The following ZP1 variants were observed in gnomAD, a reference collection of about 807,000 sequenced individuals.
ZP1 encodes the protein zona pellucida sperm-binding protein 1.
ZP1 carries 58 observed loss-of-function variants against 67.4 expected under a neutral mutation model. The ratio of observed to expected loss-of-function variants is 0.86; its 90% CI spans 0.70 to 1.07. The LOEUF (loss-of-function observed/expected upper bound fraction) is 1.07, where lower values mean the gene tolerates loss of function less well. Ranked by LOEUF, ZP1 falls within the 50% of genes least tolerant of loss-of-function variation. The pLI, the probability that ZP1 is intolerant of heterozygous loss-of-function variation, is 0.00. For synonymous variants in ZP1, 333 were observed against 332.7 expected (o/e 1.00, Z -0.01); for missense variants, 759 against 807.3 (o/e 0.94, Z 0.72).
At chr11:60,870,168 C>G (rs1310178923) in intron 3 of ZP1, among the ~76,000 whole-genome samples, 164 bp from the exon 4 acceptor site, 1 of 152,222 alleles carries the variant, frequency 6.6e-6, no homozygotes, top group Non-Finnish European at 1.5e-5. Context: ...ACCTGATTCT[C>G]AGAAAATATT....
In ZP1 at chr11:60,867,620, C is replaced by A. The variant is rs969996035; in HGVS notation, c.59C>A (p.Ala20Asp). ...CCTGTGGCCCTGCTACTGCTGGTTG[C>A]CACCCTGGGGCTGGGTAGGTGGCTC... ...GYPVALLLLV[A>D]TLGLGRWLQP... The change falls in exon 1 of 12, where the codon GCC (alanine) becomes GAC (aspartate). Residue 20 changes from alanine (A) to aspartate (D), a missense_variant. By Grantham distance (126) the Ala-to-Asp change is moderately radical. Transcript: ENST00000278853. 13 of 1,613,598 alleles carry A rather than the reference C, an allele frequency of 8.1e-6. No homozygotes were observed. The highest frequency in any genetic ancestry group is 1.1e-5 in the Non-Finnish European group (13 of 1,179,710).
Position 60,873,769 on chromosome 11 carries a change from A to T in ZP1, c.1566A>T (p.Arg522Ser), listed in dbSNP as rs1365294827. The change falls in exon 9 of 12, where the codon AGA becomes AGT. Residue 522 changes from arginine (R) to serine (S), a missense_variant. Physicochemically the swap from Arg to Ser is moderately radical, Grantham distance 110. Coordinates refer to ENST00000278853, the MANE Select transcript of ZP1 (RefSeq NM_207341.4). The part of the protein sequence containing the change: ...LLDSGSQRAL[R>S]GLVYLFCSTS... The stretch of plus-strand genomic sequence containing the variant: ...ACTCAGGCTCCCAGAGAGCCCTCAG[A>T]GGACTGGTAAGAAGCCCCGGCTGCC... 6.2e-7 allele frequency: 1 copy of T among 1,613,788 alleles called. No homozygotes were observed. Among genetic ancestry groups the T allele is most frequent in the Non-Finnish European group, 8.5e-7 (1 of 1,180,026 alleles).
rs754454384 is a variant in ZP1 at position 60,874,897 on chromosome 11, G to A, written c.1573-36G>A. Reference sequence around the variant, plus strand: ...TTTGTGCTTCCTGCCCGGTGGCACTGAGCCAGCCACTTTGATGTTCTTCTC... The same window carrying A: ...TTTGTGCTTCCTGCCCGGTGGCACTAAGCCAGCCACTTTGATGTTCTTCTC... On this transcript the variant is annotated intron_variant, in intron 9 of 11. Coordinates refer to ENST00000278853, the MANE Select transcript of ZP1 (RefSeq NM_207341.4). The A allele has an allele frequency of 8.7e-6, 14 of 1,609,280 alleles. No homozygotes were observed. The Admixed American group carries it at 2.2e-4, about 25-fold the overall frequency.
At chr11:60,872,383 C>T (rs2134833036) in intron 6 of ZP1, among the ~76,000 whole-genome samples, 2 of 152,244 alleles carry the variant, frequency 1.3e-5, no homozygotes, top group African/African-American at 2.4e-5. Flanking sequence ...GCCAGCAGGA[C>T]TAGGCCAGAG....
chr11:60,875,601 T>C lies in ZP1; in HGVS notation c.1862T>C (p.Phe621Ser). The change falls in exon 12 of 12, where the codon TTT becomes TCT. Residue 621 changes from phenylalanine to serine, a missense_variant. Coordinates refer to ENST00000278853, the MANE Select transcript of ZP1 (RefSeq NM_207341.4). ...AVALVLGFGV[F>S]VGLSQTWAQK... ...GCCCTGGTCCTTGGGTTTGGTGTCTTTGTGGGCCTGAGCCAGACCTGGGCC... is the reference window on the plus strand; with the variant it reads ...GCCCTGGTCCTTGGGTTTGGTGTCTCTGTGGGCCTGAGCCAGACCTGGGCC... The C allele has an allele frequency of 6.2e-7, 1 of 1,614,160 alleles. No homozygotes were observed. The highest frequency in any genetic ancestry group is 8.5e-7 in the Non-Finnish European group (1 of 1,180,000).
chr11:60,869,560 G>T lies in ZP1; in HGVS notation c.342G>T (p.Val114=), dbSNP rs138287127. The T allele has an allele frequency of 4.7e-5, 75 of 1,610,198 alleles. No homozygotes were observed. In the African/African-American group the frequency reaches 9.9e-4, roughly 21 times the overall value. ...AGGATGGGCGTTTCCACCTGAGGGT[G>T]TTCATGGAGGCTGTGCTGCCCAATG... is the stretch of plus-strand genomic sequence containing the variant. ...LEKDGRFHLR[V]FMEAVLPNGR... is the part of the protein sequence containing the mutation. Residue 114 remains valine, a synonymous_variant, in exon 3 of 12, where the codon GTG becomes GTT. Transcript: ENST00000278853.
In ZP1 at chr11:60,873,053, G is replaced by T. The variant is rs556245867; in HGVS notation, c.1113-109G>T. 114 of 1,290,264 alleles carry T rather than the reference G, an allele frequency of 8.8e-5. 1 individual carries two copies. In the African/African-American group the frequency reaches 1.3e-3, roughly 15 times the overall value. The allele number at this position is 1,290,264 out of a possible 1,614,324, so 79.9% of individuals were successfully genotyped here. On this transcript the variant is annotated intron_variant, in intron 6 of 11. Transcript: ENST00000278853. Reference sequence around the variant, plus strand: ...TTAAGTAGCATCCATCTGCCCTGCTGGACAGTACCCTATTTGTTGCACCCA... The same window carrying T: ...TTAAGTAGCATCCATCTGCCCTGCTTGACAGTACCCTATTTGTTGCACCCA...
rs1463268052 is a variant in ZP1 at position 60,875,233 on chromosome 11, A to G, written c.1759A>G (p.Thr587Ala). Residue 587 changes from threonine (T) to alanine (A), a missense_variant, in exon 11 of 12, where the codon ACA becomes GCA. Transcript: ENST00000278853. ...TGAGGATTCTTATGGGCAGGAGCCC[A>G]CACTTGGGCCCACAGGTAGGAGGGC... ...GFEDSYGQEPTLGPTDSNGNS... is the reference protein window; with the variant it reads ...GFEDSYGQEPALGPTDSNGNS... 6.2e-7 allele frequency: 1 copy of G among 1,612,484 alleles called. No homozygotes were observed. Among genetic ancestry groups the G allele is most frequent in the Non-Finnish European group, 8.5e-7 (1 of 1,179,966 alleles).
At position 60,871,373 on chromosome 11, in the gene ZP1, C is replaced by A. The variant is rs948942236; in HGVS notation, c.1112+59C>A. 7 of 1,569,642 alleles carry A rather than the reference C, an allele frequency of 4.5e-6. No individual in the cohort carries two copies. In the Admixed American group the frequency reaches 5.1e-5, roughly 11 times the overall value. ...TGTGCTAGGGTGTCAGGGGCACAGG[C>A]GAGCTCAGTACAGGCTTCGGAGCCA... On this transcript the variant is annotated intron_variant, in intron 6 of 11. Transcript: ENST00000278853.
rs1441461575 is a variant in ZP1, at chr11:60,871,346, T to A, written c.1112+32T>A. 3 of 1,609,154 alleles carry A rather than the reference T, an allele frequency of 1.9e-6. No individual in the cohort carries two copies. The African/African-American group carries it at 4.0e-5, about 21-fold the overall frequency. ...GCAGCCCTCCTCCTACAGGCGTGGCTGTGTGCTAGGGTGTCAGGGGCACAG... is the reference window on the plus strand; with the variant it reads ...GCAGCCCTCCTCCTACAGGCGTGGCAGTGTGCTAGGGTGTCAGGGGCACAG... On this transcript the variant is annotated intron_variant, in intron 6 of 11. Transcript: ENST00000278853.
Position 60,875,196 on chromosome 11 carries a change from G to A in ZP1, c.1722G>A (p.Gly574=), listed in dbSNP as rs1321347540. The stretch of plus-strand genomic sequence containing the variant: ...CCCAGGACATCGTGAGCTCTCCGGG[G>A]CCAGTGGGCTTTGAGGATTCTTATG... ...ARPQDIVSSP[G]PVGFEDSYGQ... Residue 574 remains glycine (G), a synonymous_variant, in exon 11 of 12, where the codon GGG becomes GGA. Transcript: ENST00000278853. 1.2e-6 allele frequency: 2 copies of A among 1,613,752 alleles called. No homozygotes were observed. Among genetic ancestry groups the A allele is most frequent in the South Asian group, 1.1e-5 (1 of 91,086 alleles).
rs117617296 is a variant in ZP1, at chr11:60,872,918, C to G, written c.1113-244C>G. Among the ~76,000 whole-genome samples the G allele has an allele frequency of 2.0e-5, 3 of 152,172 alleles. No individual in the cohort carries two copies. The East Asian group carries it at 5.8e-4, about 29-fold the overall frequency. On this transcript the variant is annotated intron_variant, in intron 6 of 11. Transcript: ENST00000278853. ...TCTCTATCCTGCTGTATTCTCCCACCAGGTGCAGGGCCTGGCATAACAGGC... is the reference window on the plus strand; with the variant it reads ...TCTCTATCCTGCTGTATTCTCCCACGAGGTGCAGGGCCTGGCATAACAGGC...
intron 6 of ZP1, among the ~76,000 whole-genome samples, chr11:60,872,919 A>G (rs1022014028): frequency 6.6e-6 from 1 of 152,092 alleles, no homozygotes; most frequent in Non-Finnish European, 1.5e-5. Context: ...TTCTCCCACC[A>G]GGTGCAGGGC....
chr11:60,871,164 G>C lies in ZP1; in HGVS notation c.1014+20G>C. 1 of 1,613,962 alleles carries C rather than the reference G, an allele frequency of 6.2e-7. No homozygotes were observed. The highest frequency in any genetic ancestry group is 8.5e-7 in the Non-Finnish European group (1 of 1,179,938). ...ATGCAGGTAGGAGCCGGGACCACAG[G>C]CTGGGGCCTGGTCCCCCACCAGAAA... On this transcript the variant is annotated intron_variant, in intron 5 of 11. Transcript: ENST00000278853.
chr11:60,873,164 T>C lies in ZP1; in HGVS notation c.1115T>C (p.Leu372Pro). Residue 372 changes from leucine to proline, a missense_variant and splice_region_variant, in exon 7 of 12, where the codon CTT becomes CCT. Coordinates refer to ENST00000278853, the MANE Select transcript of ZP1 (RefSeq NM_207341.4). The stretch of plus-strand genomic sequence containing the variant: ...ACCCTCTTGCACGTGGACTTCAGGC[T>C]TCATGTGCGCTGTGTCTTCAACGCC... Reference protein sequence around the residue: ...GSITRDSTFQLHVRCVFNASD... With the variant: ...GSITRDSTFQPHVRCVFNASD... 1 of 1,575,366 alleles carries C rather than the reference T, an allele frequency of 6.3e-7. No homozygotes were observed. Among genetic ancestry groups the C allele is most frequent in the Non-Finnish European group, 8.6e-7 (1 of 1,161,564 alleles).
chr11:60,873,173 G>A lies in ZP1; in HGVS notation c.1124G>A (p.Arg375His), dbSNP rs753434822. ...TRDSTFQLHV[R>H]CVFNASDFLP... ...CACGTGGACTTCAGGCTTCATGTGC[G>A]CTGTGTCTTCAACGCCAGTGACTTC... The change falls in exon 7 of 12, where the codon CGC becomes CAC. Residue 375 changes from arginine to histidine, a missense_variant. Arg to His is a conservative substitution (Grantham distance 29). Transcript: ENST00000278853. 1.4e-5 allele frequency: 22 copies of A among 1,589,592 alleles called. No individual in the cohort carries two copies. Among genetic ancestry groups the A allele is most frequent in the Middle Eastern group, 1.7e-4 (1 of 5,936 alleles).
chr11:60,874,493 G>A (rs1247916232), intron 9 of ZP1, among the ~76,000 whole-genome samples: 5 of 152,202 alleles, frequency 3.3e-5, no homozygotes, highest in African/African-American at 1.2e-4. Flanking sequence ...CACAAAGGGA[G>A]GGCAAACATC....
In ZP1 at chr11:60,870,984, A is replaced by G. The variant is rs766786845; in HGVS notation, c.854A>G (p.Tyr285Cys). The G allele has an allele frequency of 1.9e-6, 3 of 1,614,112 alleles. No individual in the cohort carries two copies. The highest frequency in any genetic ancestry group is 2.5e-6 in the Non-Finnish European group (3 of 1,179,982). ...ACTGTCCAGTGCTTCAGAGATGGCT[A>G]CTTCGTCCTCGTGGTGTCCCAAGAA... is the stretch of plus-strand genomic sequence containing the variant. ...TATVQCFRDG[Y>C]FVLVVSQEMA... Residue 285 changes from tyrosine to cysteine, a missense_variant, in exon 5 of 12, where the codon TAC becomes TGC. Transcript: ENST00000278853.
chr11:60,869,916 G>C lies in ZP1; in HGVS notation c.682+16G>C, dbSNP rs1480314752. The stretch of plus-strand genomic sequence containing the variant: ...GATTACATAGGTACGCAGGACATCT[G>C]AGTGTACTTACCCTCTGTCTGGGGA... On this transcript the variant is annotated intron_variant, in intron 3 of 11. Transcript: ENST00000278853. 1 of 1,532,336 alleles carries C rather than the reference G, an allele frequency of 6.5e-7. No homozygotes were observed. Among genetic ancestry groups the C allele is most frequent in the East Asian group, 2.3e-5 (1 of 44,014 alleles). The allele number at this position is 1,532,336 out of a possible 1,614,324, so 94.9% of individuals were successfully genotyped here.
Sources: gnomAD v4.1 joint callset for allele counts (sites outside exome capture counted in the v4.1 genomes callset) on GRCh38, gnomAD v4.1.1 for gene constraint, MANE v1.5 for transcripts, NCBI Gene and HGNC (gene_info 2026-07-23, HGNC 2026-07-21) for gene names.